The following PDS5B variants were observed in gnomAD, a reference collection of about 807,000 sequenced individuals.
PDS5B encodes the protein PDS5 cohesin associated factor B.
In PDS5B, 51 loss-of-function variants were observed where a neutral mutation model predicts 184.1. The observed-to-expected ratio is 0.28, with a 90% CI of 0.22 to 0.35. PDS5B has a LOEUF of 0.35. Among genes scored for constraint, PDS5B ranks in the 10% least tolerant of loss-of-function variants. The pLI, the probability that PDS5B is intolerant of heterozygous loss-of-function variation, is 1.00. For missense variants in PDS5B, 1,180 were observed against 1,723.3 expected (o/e 0.68, Z 5.58); for synonymous variants, 566 against 569.2 (o/e 0.99, Z 0.08).
chr13:32,737,203 G>C (rs1290515717), intron 21 of PDS5B, among the ~76,000 whole-genome samples: 2 of 151,554 alleles, frequency 1.3e-5, no homozygotes, highest in Non-Finnish European at 2.9e-5. Context: ...ATTCTTCCCA[G>C]AGTTTTACTT....
At chr13:32,636,725 AT>A (rs1349726486) in intron 1 of PDS5B, among the ~76,000 whole-genome samples, 2 of 152,232 alleles carry the variant, frequency 1.3e-5, no homozygotes, top group Non-Finnish European at 2.9e-5. Context: ...ACAAATTAGG[AT>A]CCCTAAACTT....
At chr13:32,744,097 C>T (rs1420898484) in intron 23 of PDS5B, among the ~76,000 whole-genome samples, 1 of 152,154 alleles carries the variant, frequency 6.6e-6, no homozygotes, top group African/African-American at 2.4e-5. Flanking sequence ...AGACACACTA[C>T]ACAGGTTCAA....
At chr13:32,741,024 A>C in intron 21 of PDS5B, 56 bp from the exon 22 acceptor site, 23 of 979,848 alleles carry the variant, frequency 2.3e-5, no homozygotes, top group Non-Finnish European at 3.4e-5. Context: ...ATTGAAAAGA[A>C]TTCATATTTA....
intron 1 of PDS5B, among the ~76,000 whole-genome samples, chr13:32,641,192 G>GTGAA (rs1320604218): frequency 6.6e-6 from 1 of 151,792 alleles, no homozygotes; most frequent in African/African-American, 2.4e-5. Flanking sequence ...TACCTTAATA[G>GTGAA]TGAATGGTTG....
At chr13:32,649,023 T>C in intron 2 of PDS5B, 143 bp downstream of exon 2, 1 of 633,374 alleles carries the variant, frequency 1.6e-6, no homozygotes, top group Non-Finnish European at 2.8e-6. Flanking sequence ...TCTAAGGGAG[T>C]AGAGTATATA....
At chr13:32,768,783 ACT>A (rs1954669649) in intron 31 of PDS5B, among the ~76,000 whole-genome samples, 2 of 117,506 alleles carry the variant, frequency 1.7e-5, no homozygotes, top group South Asian at 2.7e-4. Context: ...ACAGAGCGAG[ACT>A]CTGTCTCAAA....
chr13:32,678,953 A>G, intron 10 of PDS5B, 24 bp downstream of exon 10: 1 of 1,241,544 alleles, frequency 8.1e-7, no homozygotes, highest in Non-Finnish European at 1.2e-6. Context: ...GTAACAGCAA[A>G]TATTCTTACG....
intron 1 of PDS5B, among the ~76,000 whole-genome samples, chr13:32,618,406 T>G (rs1487299309): frequency 6.6e-6 from 1 of 152,204 alleles, no homozygotes; most frequent in Non-Finnish European, 1.5e-5. Flanking sequence ...CCCACTGTTC[T>G]GAGTGGTATG....
intron 1 of PDS5B, among the ~76,000 whole-genome samples, chr13:32,594,711 A>G (rs1350388937): frequency 6.6e-6 from 1 of 152,108 alleles, no homozygotes; most frequent in Non-Finnish European, 1.5e-5. Context: ...TTGTTTTTGT[A>G]CCCTCATGCT....
chr13:32,716,406 G>A lies in PDS5B; in HGVS notation c.2123+6300G>A, dbSNP rs373903077. ...TGCCCAGCCACCCCGTTTGAGAAGT[G>A]AGGAGACCCTCTGCCTGGCAACCGC... is the stretch of plus-strand genomic sequence containing the variant. On this transcript the variant is annotated intron_variant, in intron 19 of 34. Coordinates refer to ENST00000315596, the MANE Select transcript of PDS5B (RefSeq NM_015032.4). Among the ~76,000 whole-genome samples, 38 of 151,364 alleles carry A rather than the reference G, an allele frequency of 2.5e-4. No individual in the cohort carries two copies. The East Asian group carries it at 6.3e-3, about 25-fold the overall frequency.
intron 6 of PDS5B, among the ~76,000 whole-genome samples, chr13:32,662,110 C>A (rs1950665506): frequency 6.6e-6 from 1 of 152,004 alleles, no homozygotes. Flanking sequence ...AACACACTCA[C>A]AAAAGGTCGA....
intron 1 of PDS5B, among the ~76,000 whole-genome samples, chr13:32,595,080 C>G (rs1342259745): frequency 6.6e-6 from 1 of 152,134 alleles, no homozygotes; most frequent in African/African-American, 2.4e-5. Context: ...CACAACACCT[C>G]CAGTACAATA....
At chr13:32,722,806 C>G (rs1437976647) in intron 19 of PDS5B, among the ~76,000 whole-genome samples, 2 of 152,196 alleles carry the variant, frequency 1.3e-5, no homozygotes, top group Admixed American at 1.3e-4. Flanking sequence ...GGAGCCCTGT[C>G]AGTATCACCC....
chr13:32,715,361 A>G (rs1266873350), intron 19 of PDS5B, among the ~76,000 whole-genome samples: 1 of 152,172 alleles, frequency 6.6e-6, no homozygotes, highest in Non-Finnish European at 1.5e-5. Context: ...ACATAGTTTT[A>G]TGCTTTTCCG....
intron 19 of PDS5B, among the ~76,000 whole-genome samples, chr13:32,716,661 A>AG (rs1411035220): frequency 7.5e-5 from 6 of 80,504 alleles, no homozygotes; most frequent in Admixed American, 2.4e-4. Context: ...TTTGGGAGGG[A>AG]GGTGGGGGGG....
At chr13:32,755,055 A>G (rs1487655315) in intron 25 of PDS5B, among the ~76,000 whole-genome samples, 1 of 152,186 alleles carries the variant, frequency 6.6e-6, no homozygotes, top group Admixed American at 6.5e-5. Context: ...TTACACACAA[A>G]CTGTTCTCTG....
At chr13:32,704,024 A>C (rs1593466275) in intron 17 of PDS5B, among the ~76,000 whole-genome samples, 1 of 152,204 alleles carries the variant, frequency 6.6e-6, no homozygotes, top group African/African-American at 2.4e-5. Flanking sequence ...ATCTCTTTGC[A>C]ATTAATAAAT....
intron 31 of PDS5B, among the ~76,000 whole-genome samples, chr13:32,768,369 C>T (rs1328373961): frequency 1.3e-5 from 2 of 152,124 alleles, no homozygotes; most frequent in African/African-American, 2.4e-5. Flanking sequence ...AGGGTGCCAC[C>T]TCATGACCTC....
intron 19 of PDS5B, among the ~76,000 whole-genome samples, chr13:32,723,032 C>A (rs554130325): frequency 6.6e-6 from 1 of 152,146 alleles, no homozygotes; most frequent in Non-Finnish European, 1.5e-5. Context: ...CAGGGATATT[C>A]ATGGTATTGT....
Sources: gnomAD v4.1 joint callset for allele counts (sites outside exome capture counted in the v4.1 genomes callset) on GRCh38, gnomAD v4.1.1 for gene constraint, MANE v1.5 for transcripts, NCBI Gene and HGNC (gene_info 2026-07-23, HGNC 2026-07-21) for gene names.